SLC25A26: variants seen among roughly 807,000 people sequenced by gnomAD.
The protein encoded by SLC25A26 is solute carrier family 25 member 26, also known as mitochondrial S-adenosylmethionine carrier protein.
Under a neutral mutation model 37.8 loss-of-function variants are expected in SLC25A26, and 36 were observed. That is an observed-to-expected ratio of 0.95 (90% CI 0.73 to 1.26). The LOEUF is 1.26. SLC25A26 is among the 50% of genes most tolerant of loss of function. The pLI is 0.00. For missense variants in SLC25A26, 390 were observed against 331.1 expected, an observed-to-expected ratio of 1.18 and a Z score of -1.38; for synonymous variants, 129 against 122.5, an observed-to-expected ratio of 1.05 and a Z score of -0.35.
intron 5 of SLC25A26, among the ~76,000 whole-genome samples, chr3:66,295,064 G>T (rs2074851787): frequency 6.6e-6 from 1 of 152,128 alleles, no homozygotes; most frequent in African/African-American, 2.4e-5. Context: ...AAAAAAAGTT[G>T]ATTTATCTCA....
chr3:66,355,976 T>A lies in SLC25A26; in HGVS notation c.499-6884T>A, dbSNP rs1275073797. 6.2e-5 allele frequency: 28 copies of A among 454,864 alleles called. No individual in the cohort carries two copies. The Admixed American group carries it at 6.6e-4, about 11-fold the overall frequency. The allele number at this position is 454,864 out of a possible 1,614,324, so 28.2% of individuals were successfully genotyped here. On this transcript the variant is annotated intron_variant, in intron 6 of 9. Coordinates refer to ENST00000354883, the MANE Select transcript of SLC25A26 (RefSeq NM_001379210.1). Reference sequence around the variant, plus strand: ...AATTGAGTAGATGATTCTGTGCACATACTTATTTTACTACATGTATAAAAA... The same window carrying A: ...AATTGAGTAGATGATTCTGTGCACAAACTTATTTTACTACATGTATAAAAA...
chr3:66,195,671 A>T (rs908732732), intron 1 of SLC25A26, among the ~76,000 whole-genome samples: 4 of 152,200 alleles, frequency 2.6e-5, no homozygotes, highest in African/African-American at 9.6e-5. Flanking sequence ...TCCGTATTTT[A>T]GGGGTGTATT....
At chr3:66,198,806 GCA>G (rs1409515915) in intron 1 of SLC25A26, among the ~76,000 whole-genome samples, 1 of 151,724 alleles carries the variant, frequency 6.6e-6, no homozygotes, top group African/African-American at 2.4e-5. Flanking sequence ...GTTCCCAGTG[GCA>G]CACTTTGACC....
At chr3:66,199,641 C>G (rs1166270117) in intron 1 of SLC25A26, among the ~76,000 whole-genome samples, 1 of 152,072 alleles carries the variant, frequency 6.6e-6, no homozygotes, top group African/African-American at 2.4e-5. Context: ...CCTGACCCTT[C>G]TTTACCTTCA....
At chr3:66,180,997 G>C (rs1276678994) in intron 1 of SLC25A26, among the ~76,000 whole-genome samples, 1 of 152,202 alleles carries the variant, frequency 6.6e-6, no homozygotes, top group Non-Finnish European at 1.5e-5. Context: ...AGGACACAAG[G>C]AGAGGGCAGC....
intron 1 of SLC25A26, among the ~76,000 whole-genome samples, chr3:66,159,541 T>C (rs2070328425): frequency 6.6e-6 from 1 of 152,230 alleles, no homozygotes; most frequent in African/African-American, 2.4e-5. Flanking sequence ...ATAAAGCATG[T>C]CCTGCCACAT....
chr3:66,319,905 C>T (rs1378314198), intron 5 of SLC25A26, among the ~76,000 whole-genome samples: 2 of 151,906 alleles, frequency 1.3e-5, no homozygotes, highest in Admixed American at 1.3e-4. Context: ...AGGCACACAC[C>T]ACCACGCCTG....
chr3:66,343,365 A>C (rs2076251629), intron 5 of SLC25A26, among the ~76,000 whole-genome samples: 1 of 152,240 alleles, frequency 6.6e-6, no homozygotes, highest in Non-Finnish European at 1.5e-5. Context: ...TAGAAGTCAG[A>C]AGCAAATTTA....
intron 5 of SLC25A26, among the ~76,000 whole-genome samples, chr3:66,312,764 G>T (rs923900550): frequency 6.6e-6 from 1 of 152,058 alleles, no homozygotes; most frequent in Non-Finnish European, 1.5e-5. Flanking sequence ...TAGTTCCCTG[G>T]CCCCTAGTGC....
intron 5 of SLC25A26, among the ~76,000 whole-genome samples, chr3:66,306,016 G>C (rs190948556): frequency 6.6e-6 from 1 of 151,320 alleles, no homozygotes; most frequent in African/African-American, 2.4e-5. Context: ...ATGGAGTCTC[G>C]CTCTGTTGCC....
chr3:66,344,130 A>G (rs1267440553), intron 5 of SLC25A26, among the ~76,000 whole-genome samples: 2 of 152,126 alleles, frequency 1.3e-5, no homozygotes, highest in Non-Finnish European at 2.9e-5. Flanking sequence ...TGTCTGTCAA[A>G]CTTGGGGCCA....
chr3:66,264,231 C>T (rs2073653580), intron 5 of SLC25A26, among the ~76,000 whole-genome samples: 1 of 151,662 alleles, frequency 6.6e-6, no homozygotes, highest in African/African-American at 2.4e-5. Context: ...AAGATCGTGC[C>T]ACTGGATTCC....
intron 3 of SLC25A26, among the ~76,000 whole-genome samples, chr3:66,248,143 CAAA>C (rs10585367): frequency 0.033 from 5,068 of 152,150 alleles, 285 homozygotes; most frequent in African/African-American, 0.11. Context: ...AACTTAGAAA[CAAA>C]AGAACAGTGC....
chr3:66,183,353 T>C (rs2070753419), intron 1 of SLC25A26, among the ~76,000 whole-genome samples: 2 of 151,870 alleles, frequency 1.3e-5, no homozygotes, highest in African/African-American at 4.8e-5. Flanking sequence ...GGACTCAGAT[T>C]CTCACCCTCA....
At chr3:66,244,292 C>T (rs971306347) in intron 3 of SLC25A26, among the ~76,000 whole-genome samples, 4 of 152,118 alleles carry the variant, frequency 2.6e-5, no homozygotes, top group South Asian at 2.1e-4. Flanking sequence ...GTAACAAGCC[C>T]GAACCTGCAC....
At chr3:66,141,806 G>A (rs1033373316) in intron 1 of SLC25A26, among the ~76,000 whole-genome samples, 5 of 152,182 alleles carry the variant, frequency 3.3e-5, no homozygotes, top group African/African-American at 4.8e-5. Flanking sequence ...GGGCCACTGC[G>A]CCGGTCTTGA....
chr3:66,313,635 A>G (rs1195508262), intron 5 of SLC25A26, among the ~76,000 whole-genome samples: 1 of 152,180 alleles, frequency 6.6e-6, no homozygotes, highest in African/African-American at 2.4e-5. Context: ...ATTTTAAAAT[A>G]GTTTCTTCTG....
chr3:66,256,566 T>C (rs1364483297), intron 3 of SLC25A26, among the ~76,000 whole-genome samples: 6 of 152,270 alleles, frequency 3.9e-5, no homozygotes, highest in Non-Finnish European at 8.8e-5. Flanking sequence ...TTTACATAAG[T>C]ATATGTATAG....
intron 9 of SLC25A26, among the ~76,000 whole-genome samples, chr3:66,377,028 T>A (rs1002530730): frequency 6.6e-6 from 1 of 152,170 alleles, no homozygotes; most frequent in African/African-American, 2.4e-5. Flanking sequence ...CAATGAAAAT[T>A]TTTGAACAAA....
Sources: allele counts gnomAD v4.1 joint callset (sites outside exome capture counted in the v4.1 genomes callset), GRCh38; gene constraint gnomAD v4.1.1; transcripts MANE v1.5; gene names NCBI Gene and HGNC (gene_info 2026-07-23, HGNC 2026-07-21).